Variants in TTLL10 observed in about 807,000 individuals in gnomAD.
TTLL10 encodes the protein tubulin tyrosine ligase like 10, also known as inactive polyglycylase TTLL10.
A neutral mutation model predicts 69.0 loss-of-function variants in TTLL10; 61 were observed. The ratio of observed to expected loss-of-function variants is 0.88; its 90% CI spans 0.72 to 1.09. TTLL10 has a LOEUF of 1.09. TTLL10 is among the 50% of genes least tolerant of loss of function. The pLI is 0.00. For synonymous variants in TTLL10, 408 were observed against 393.3 expected (o/e 1.04, Z -0.44); for missense variants, 962 against 945.9 (o/e 1.02, Z -0.22).
At chr1:1,184,113 G>A in intron 12 of TTLL10, 22 bp downstream of exon 12, 1 of 1,613,974 alleles carries the variant, frequency 6.2e-7, no homozygotes, top group South Asian at 1.1e-5. Context: ...ATGGGTGAGG[G>A]CCCTCCCTGC....
intron 3 of TTLL10, among the ~76,000 whole-genome samples, chr1:1,177,623 C>T (rs892687766): frequency 6.6e-6 from 1 of 152,218 alleles, no homozygotes; most frequent in African/African-American, 2.4e-5. Flanking sequence ...CCTTGTGTCA[C>T]TCTTCTTCAC....
chr1:1,192,143 C>T (rs12024296), intron 13 of TTLL10, among the ~76,000 whole-genome samples: 20,401 of 152,120 alleles, frequency 0.13, 2,485 homozygotes, highest in East Asian at 0.58. Flanking sequence ...TAATGTTGTT[C>T]GAGTCTTCTA....
chr1:1,180,264 G>C lies in TTLL10; in HGVS notation c.430G>C (p.Gly144Arg), dbSNP rs752866610. ...TGCCCTCCTGGAGGGGCTCCTGCTG[G>C]GGGGTGGGAAGCCATCGCCCCACAG... is the stretch of plus-strand genomic sequence containing the variant. ...SAALLEGLLL[G>R]GGKPSPHSTR... is the part of the protein sequence containing the mutation. The change falls in exon 6 of 16, where the codon GGG becomes CGG. Residue 144 changes from glycine (G) to arginine (R), a missense_variant. Gly to Arg is a moderately radical substitution (Grantham distance 125). Coordinates refer to ENST00000379289, the MANE Select transcript of TTLL10 (RefSeq NM_001130045.2). The C allele has an allele frequency of 9.4e-6, 15 of 1,600,284 alleles. No individual in the cohort carries two copies. The East Asian group carries it at 1.1e-4, about 12-fold the overall frequency.
intron 5 of TTLL10, 126 bp downstream of exon 5, chr1:1,179,863 C>G (rs576346973): frequency 6.1e-5 from 88 of 1,441,466 alleles, no homozygotes; most frequent in Non-Finnish European, 7.4e-5. Flanking sequence ...TGTAAGCAGT[C>G]CCCAGGCCGC....
In TTLL10 at chr1:1,184,110, A is replaced by AGG; in HGVS notation, c.1260+21_1260+22dup. On this transcript the variant is annotated intron_variant, in intron 12 of 15. Coordinates refer to ENST00000379289, the MANE Select transcript of TTLL10 (RefSeq NM_001130045.2). ...CAACCAGGTGAGTCTGCCATGGGTG[A>AGG]GGGCCCTCCCTGCAGCCTTGGGATG... The AGG allele has an allele frequency of 1.2e-6, 2 of 1,613,994 alleles. No homozygotes were observed. Among genetic ancestry groups the AGG allele is most frequent in the South Asian group, 2.2e-5 (2 of 91,076 alleles).
intron 11 of TTLL10, among the ~76,000 whole-genome samples, chr1:1,183,383 A>G (rs1647140168): frequency 6.6e-6 from 1 of 152,128 alleles, no homozygotes; most frequent in Non-Finnish European, 1.5e-5. Flanking sequence ...CTTCAGGCCT[A>G]TGGCCAAGCT....
intron 13 of TTLL10, among the ~76,000 whole-genome samples, chr1:1,186,335 C>T (rs4081333): frequency 0.1 from 15,671 of 152,156 alleles, 916 homozygotes; most frequent in East Asian, 0.15. Context: ...GTGACCCGCC[C>T]GCCTCAGCCT....
Position 1,179,284 on chromosome 1 carries a change from G to C in TTLL10, c.69G>C (p.Lys23Asn). The change falls in exon 4 of 16, where the codon AAG becomes AAC. Residue 23 changes from lysine to asparagine, a missense_variant. Coordinates refer to ENST00000379289, the MANE Select transcript of TTLL10 (RefSeq NM_001130045.2). The part of the protein sequence containing the change: ...GPPTRTRAGF[K>N]RGKRPRIQQR... ...CCACTCGGACCCGAGCCGGCTTCAAGAGGGGCAAGAGGCCAAGGATCCAGC... is the reference window on the plus strand; with the variant it reads ...CCACTCGGACCCGAGCCGGCTTCAACAGGGGCAAGAGGCCAAGGATCCAGC... 2 of 1,551,230 alleles carry C rather than the reference G, an allele frequency of 1.3e-6. No homozygotes were observed. Among genetic ancestry groups the C allele is most frequent in the Non-Finnish European group, 8.7e-7 (1 of 1,146,820 alleles).
Position 1,197,140 on chromosome 1 carries a change from C to G in TTLL10, c.1566C>G (p.Cys522Trp). ...CTAACCCAGCCCTGCACACCAACTG[C>G]GAGGTCCTGAAGGAGGTCATCCCAG... ...MNSNPALHTNCEVLKEVIPGV... is the reference protein window; with the variant it reads ...MNSNPALHTNWEVLKEVIPGV... The change falls in exon 15 of 16, where the codon TGC becomes TGG. Residue 522 changes from cysteine to tryptophan, a missense_variant. Cys to Trp is a radical substitution (Grantham distance 215, BLOSUM62 -2). Transcript: ENST00000379289. 6.4e-7 allele frequency: 1 copy of G among 1,550,998 alleles called. No homozygotes were observed.
At chr1:1,188,452 C>G (rs1206670052) in intron 13 of TTLL10, among the ~76,000 whole-genome samples, 2 of 148,930 alleles carry the variant, frequency 1.3e-5, no homozygotes, top group East Asian at 4.0e-4. Context: ...GTTGCCCAGG[C>G]TGGAGTGCAG....
At position 1,181,877 on chromosome 1, in the gene TTLL10, G is replaced by A. The variant is rs993499942; in HGVS notation, c.830+62G>A. On this transcript the variant is annotated intron_variant, in intron 9 of 15. Transcript: ENST00000379289. This position sits in a 1 kb window ranked among gnomAD's most constrained non-coding sequence, Gnocchi z 4.6. ...GAAGTTCAGACCTAAACCTGGTGTC[G>A]TCTGAAAAGGAGAAAGCGGGGCGGG... The A allele has an allele frequency of 1.0e-5, 15 of 1,474,752 alleles. No individual in the cohort carries two copies. The highest frequency in any genetic ancestry group is 2.0e-5 in the Admixed American group (1 of 49,210). 91.4% of individuals were successfully genotyped at this position (1,474,752 alleles called of 1,614,324 possible). A position where few individuals can be genotyped will look rare whatever the true frequency, so the allele number is the denominator to read the frequency against.
rs1647101059 is a variant in TTLL10 at position 1,182,422 on chromosome 1, G to A, written c.892G>A (p.Glu298Lys). The change falls in exon 10 of 16, where the codon GAG (glutamate) becomes AAG (lysine). Residue 298 changes from glutamate (E) to lysine (K), a missense_variant. Glu to Lys is a moderately conservative substitution (Grantham distance 56). Coordinates refer to ENST00000379289, the MANE Select transcript of TTLL10 (RefSeq NM_001130045.2). ...CCGCCTGGACCTCAAACACGAGAGA[G>A]AGGCCTTTTTCACCTTGTTTGATGG... ...TYRLDLKHER[E>K]AFFTLFDETQ... The A allele has an allele frequency of 2.5e-6, 4 of 1,614,008 alleles. No individual in the cohort carries two copies. Among genetic ancestry groups the A allele is most frequent in the Non-Finnish European group, 3.4e-6 (4 of 1,179,950 alleles).
chr1:1,182,358 C>T lies in TTLL10; in HGVS notation c.831-3C>T. On this transcript the variant is annotated splice_region_variant and splice_polypyrimidine_tract_variant and intron_variant, in intron 9 of 15. Coordinates refer to ENST00000379289, the MANE Select transcript of TTLL10 (RefSeq NM_001130045.2). ...CTCATCCTCCTGCCTCCCTGCCCTG[C>T]AGGGTCCTGAGAATGGAAGAGTTTT... The T allele has an allele frequency of 6.2e-7, 1 of 1,613,594 alleles. No homozygotes were observed. Among genetic ancestry groups the T allele is most frequent in the Non-Finnish European group, 8.5e-7 (1 of 1,179,660 alleles).
chr1:1,178,828 A>C (rs1646950401), intron 3 of TTLL10, among the ~76,000 whole-genome samples: 1 of 152,146 alleles, frequency 6.6e-6, no homozygotes, highest in African/African-American at 2.4e-5. Flanking sequence ...ACCCCTGCTC[A>C]GGCCAAGGAG....
In TTLL10 at chr1:1,197,448, C is replaced by G. The variant is rs753271141; in HGVS notation, c.1623C>G (p.Leu541=). 1.3e-6 allele frequency: 2 copies of G among 1,524,758 alleles called. No homozygotes were observed. The allele number at this position is 1,524,758 out of a possible 1,614,324, so 94.5% of individuals were successfully genotyped here. ...CCCCACCCGCACCAGACCTGGTGCT[C>G]GAGACCTTCCGGAAGAGCCTGCGCG... is the stretch of plus-strand genomic sequence containing the variant. ...GVVIETLDLV[L]ETFRKSLRGQ... The change falls in exon 16 of 16, where the codon CTC becomes CTG. Residue 541 remains leucine (L), a synonymous_variant. Transcript: ENST00000379289.
chr1:1,179,190 G>A lies in TTLL10; in HGVS notation c.-26G>A. The A allele has an allele frequency of 6.6e-7, 1 of 1,513,918 alleles. No individual in the cohort carries two copies. The highest frequency in any genetic ancestry group is 2.1e-5 in the Admixed American group (1 of 47,756). The allele number at this position is 1,513,918 out of a possible 1,614,324, so 93.8% of individuals were successfully genotyped here. A position where few individuals can be genotyped will look rare whatever the true frequency, so the allele number is the denominator to read the frequency against. On this transcript the variant is annotated splice_region_variant and 5_prime_UTR_variant, in exon 4 of 16. Transcript: ENST00000379289. Reference sequence around the variant, plus strand: ...GTCAGAGCGGCATCTTCCCTTCAGGGCCCTCGCCCGGGCACCCCCCGGCCA... The same window carrying A: ...GTCAGAGCGGCATCTTCCCTTCAGGACCCTCGCCCGGGCACCCCCCGGCCA...
At chr1:1,191,962 T>C (rs1417963444) in intron 13 of TTLL10, among the ~76,000 whole-genome samples, 1 of 152,262 alleles carries the variant, frequency 6.6e-6, no homozygotes, top group Non-Finnish European at 1.5e-5. Context: ...GGCCAGGTGT[T>C]CCTTGCCCTC....
chr1:1,176,798 G>T (rs1401487111), intron 3 of TTLL10, among the ~76,000 whole-genome samples: 2 of 152,216 alleles, frequency 1.3e-5, no homozygotes, highest in East Asian at 3.8e-4. Context: ...CATCCCCAGG[G>T]TTCCCTTCTG....
chr1:1,196,837 C>A, intron 14 of TTLL10, 121 bp downstream of exon 14: 1 of 818,306 alleles, frequency 1.2e-6, no homozygotes, highest in African/African-American at 1.7e-5. Context: ...ACCCTGCCTG[C>A]ATGCAGCCCT....
Sources: allele counts gnomAD v4.1 joint callset (sites outside exome capture counted in the v4.1 genomes callset), GRCh38; gene constraint gnomAD v4.1.1; non-coding constraint Gnocchi (gnomAD v3.1); transcripts MANE v1.5; gene names NCBI Gene and HGNC (gene_info 2026-07-23, HGNC 2026-07-21).